The following EML5 variants were observed in gnomAD, a reference collection of about 807,000 sequenced individuals.
EML5 encodes the protein EMAP like 5.
Under a neutral mutation model 250.0 loss-of-function variants are expected in EML5, and 120 were observed. The observed-to-expected ratio is 0.48, with a 90% CI of 0.41 to 0.56. EML5 has a LOEUF of 0.56. Among genes scored for constraint, EML5 ranks in the 20% least tolerant of loss-of-function variants. The pLI is 0.00. For missense variants in EML5, 2,006 were observed against 2,437.6 expected (o/e 0.82, Z 3.73); for synonymous variants, 771 against 806.5 (o/e 0.96, Z 0.75).
At chr14:88,743,729 T>C (rs2093961205) in intron 4 of EML5, among the ~76,000 whole-genome samples, 1 of 152,088 alleles carries the variant, frequency 6.6e-6, no homozygotes, top group African/African-American at 2.4e-5. Context: ...TTTTACTTTG[T>C]AAGTGAAACA....
intron 14 of EML5, among the ~76,000 whole-genome samples, chr14:88,698,430 C>G (rs185511178): frequency 1.3e-3 from 203 of 152,078 alleles, no homozygotes; most frequent in Middle Eastern, 3.4e-3. Flanking sequence ...CCATGCCCGG[C>G]TAATTTTTGT....
chr14:88,685,066 A>G lies in EML5; in HGVS notation c.2931T>C (p.Asn977=). Residue 977 remains asparagine (N), a synonymous_variant, in exon 20 of 44, where the codon AAT becomes AAC. Coordinates refer to ENST00000554922, the MANE Select transcript of EML5 (RefSeq NM_183387.3). The part of the protein sequence containing the change: ...GHGHILVGTK[N]GEILEVDKSG... ...TTTTATCCACTTCTAGTATTTCACC[A>G]TTCTTTGTGCCAACTAAAATATGAC... 6.2e-7 allele frequency: 1 copy of G among 1,611,910 alleles called. No individual in the cohort carries two copies. The highest frequency in any genetic ancestry group is 8.5e-7 in the Non-Finnish European group (1 of 1,178,882).
At chr14:88,704,128 G>A (rs1359171918) in intron 13 of EML5, among the ~76,000 whole-genome samples, 1 of 152,150 alleles carries the variant, frequency 6.6e-6, no homozygotes, top group Non-Finnish European at 1.5e-5. Flanking sequence ...GGTGGGAAGT[G>A]TTTGGGTCAT....
At chr14:88,731,877 GTGTCTGT>G (rs1362272606) in intron 7 of EML5, among the ~76,000 whole-genome samples, 1 of 152,168 alleles carries the variant, frequency 6.6e-6, no homozygotes, top group Non-Finnish European at 1.5e-5. Context: ...CTTTTGAGAA[GTGTCTGT>G]TCATATCCTT....
intron 37 of EML5, chr14:88,621,708 G>A (rs988085461): frequency 8.2e-5 from 23 of 280,600 alleles, no homozygotes; most frequent in East Asian, 1.7e-4. Flanking sequence ...GATAATATCC[G>A]TATGATTTAT....
intron 31 of EML5, among the ~76,000 whole-genome samples, chr14:88,642,126 T>A (rs1435688022): frequency 6.6e-6 from 1 of 152,186 alleles, no homozygotes; most frequent in Non-Finnish European, 1.5e-5. Context: ...ACATCATCAA[T>A]CTACTCTTTA....
intron 21 of EML5, among the ~76,000 whole-genome samples, chr14:88,666,235 A>G (rs1182018668): frequency 6.6e-6 from 1 of 152,020 alleles, no homozygotes; most frequent in Non-Finnish European, 1.5e-5. Flanking sequence ...TATAAAAGTA[A>G]TTTTTTTTGA....
chr14:88,721,826 A>T (rs890056421), intron 8 of EML5, among the ~76,000 whole-genome samples: 1 of 152,212 alleles, frequency 6.6e-6, no homozygotes, highest in African/African-American at 2.4e-5. Flanking sequence ...CAGGGCAAAG[A>T]GGCAACCTAC....
chr14:88,699,638 T>C (rs2093163162), intron 14 of EML5, among the ~76,000 whole-genome samples: 1 of 152,042 alleles, frequency 6.6e-6, no homozygotes, highest in Non-Finnish European at 1.5e-5. Flanking sequence ...TTTTAGAAAT[T>C]GTGAAGCATT....
intron 2 of EML5, among the ~76,000 whole-genome samples, chr14:88,753,339 C>T (rs2094122327): frequency 6.6e-6 from 1 of 152,184 alleles, no homozygotes; most frequent in South Asian, 2.1e-4. Flanking sequence ...ACCAGAAAAT[C>T]ACATTAACCT....
intron 1 of EML5, among the ~76,000 whole-genome samples, chr14:88,783,145 T>A (rs541380807): frequency 2.6e-5 from 4 of 151,982 alleles, no homozygotes; most frequent in Non-Finnish European, 5.9e-5. Context: ...GGTAGAGGTA[T>A]GTTGCAGGGG....
rs765654645 is a variant in EML5, at chr14:88,746,188, A to G, written c.453T>C (p.Asp151=). The change falls in exon 3 of 44, where the codon GAT becomes GAC. Residue 151 remains aspartate, a synonymous_variant. Transcript: ENST00000554922. Reference sequence around the variant, plus strand: ...AATCTCAAAAGAGAATACTTACTCTATCTGTATGACCAGGAGCCATAGACA... The same window carrying G: ...AATCTCAAAAGAGAATACTTACTCTGTCTGTATGACCAGGAGCCATAGACA... ...KMLSMAPGHT[D]RIFDISWDLY... is the part of the protein sequence containing the mutation. The G allele has an allele frequency of 1.2e-6, 2 of 1,610,656 alleles. No homozygotes were observed. Among genetic ancestry groups the G allele is most frequent in the East Asian group, 2.2e-5 (1 of 44,768 alleles).
Position 88,792,283 on chromosome 14 carries a change from G to A in EML5, c.197+24C>T. On this transcript the variant is annotated intron_variant, in intron 1 of 43. Transcript: ENST00000554922. This position sits in a 1 kb window ranked among gnomAD's most constrained non-coding sequence, Gnocchi z 6.9. Reference sequence around the variant, plus strand: ...TCCGGGAGCGGCTTGCAGGGTGACGGCGGCGGCCCCCGCTCCCCGGTACCT... The same window carrying A: ...TCCGGGAGCGGCTTGCAGGGTGACGACGGCGGCCCCCGCTCCCCGGTACCT... 3 of 1,543,844 alleles carry A rather than the reference G, an allele frequency of 1.9e-6. No homozygotes were observed. The highest frequency in any genetic ancestry group is 1.2e-5 in the South Asian group (1 of 83,548).
intron 7 of EML5, among the ~76,000 whole-genome samples, chr14:88,728,697 C>G (rs1052558627): frequency 6.6e-6 from 1 of 151,972 alleles, no homozygotes; most frequent in African/African-American, 2.4e-5. Context: ...ATAAGTGGAC[C>G]CATGCAGTTC....
intron 20 of EML5, among the ~76,000 whole-genome samples, chr14:88,683,584 C>CAA (rs2092762683): frequency 6.6e-6 from 1 of 152,142 alleles, no homozygotes; most frequent in African/African-American, 2.4e-5. Context: ...AAATCCTCAA[C>CAA]AAAATACTGG....
At chr14:88,703,672 A>C (rs1053545489) in intron 13 of EML5, among the ~76,000 whole-genome samples, 1 of 152,208 alleles carries the variant, frequency 6.6e-6, no homozygotes, top group African/African-American at 2.4e-5. Flanking sequence ...ATGCTGGGTG[A>C]ATGGTAGAAA....
intron 21 of EML5, among the ~76,000 whole-genome samples, chr14:88,669,156 G>C (rs1281559601): frequency 6.6e-6 from 1 of 152,132 alleles, no homozygotes; most frequent in Non-Finnish European, 1.5e-5. Context: ...TTTTTCCATG[G>C]ATCTGTGCAA....
intron 21 of EML5, among the ~76,000 whole-genome samples, chr14:88,678,431 G>A (rs772477833): frequency 1.1e-4 from 17 of 152,076 alleles, no homozygotes; most frequent in South Asian, 2.1e-4. Flanking sequence ...CATGTATCCC[G>A]GAACTTAAAA....
chr14:88,721,312 A>G (rs146108913), intron 8 of EML5, among the ~76,000 whole-genome samples: 83 of 152,340 alleles, frequency 5.4e-4, no homozygotes, highest in African/African-American at 1.9e-3. Context: ...CAGCCAAGTC[A>G]ATCCTAAGCA....
Sources: gnomAD v4.1 joint callset for allele counts (sites outside exome capture counted in the v4.1 genomes callset) on GRCh38, gnomAD v4.1.1 for gene constraint, Gnocchi (gnomAD v3.1) non-coding constraint, MANE v1.5 for transcripts, NCBI Gene and HGNC (gene_info 2026-07-23, HGNC 2026-07-21) for gene names.